DET1: variants seen among roughly 807,000 people sequenced by gnomAD.
DET1 encodes the protein DET1 homolog.
DET1 carries 22 observed loss-of-function variants against 43.7 expected under a neutral mutation model. That is an observed-to-expected ratio of 0.50 (90% CI 0.36 to 0.72). DET1 has a LOEUF of 0.72. DET1 is among the 30% of genes least tolerant of loss of function. The pLI is 0.00. For missense variants in DET1, 713 were observed against 713.3 expected, an observed-to-expected ratio of 1.00 and a Z score of 0.00; for synonymous variants, 315 against 266.2, an observed-to-expected ratio of 1.18 and a Z score of -1.79.
intron 4 of DET1, among the ~76,000 whole-genome samples, chr15:88,513,659 T>A (rs2056258991): frequency 6.6e-6 from 1 of 150,802 alleles, no homozygotes; most frequent in South Asian, 2.1e-4. Context: ...TGTTATGTAT[T>A]TGACACTTGA....
intron 3 of DET1, among the ~76,000 whole-genome samples, chr15:88,524,056 A>C (rs1158161379): frequency 2.2e-5 from 3 of 134,432 alleles, no homozygotes; most frequent in Admixed American, 7.4e-5. Flanking sequence ...CCGGCCGCCC[A>C]TCGTCTGAGA....
chr15:88,542,121 C>A (rs887996870), intron 1 of DET1, among the ~76,000 whole-genome samples: 8 of 152,178 alleles, frequency 5.3e-5, no homozygotes, highest in Non-Finnish European at 1.0e-4. Flanking sequence ...TGCTCCAGAC[C>A]CATCGACCCA....
chr15:88,543,037 G>A (rs1351037339), intron 1 of DET1, among the ~76,000 whole-genome samples: 26 of 152,208 alleles, frequency 1.7e-4, no homozygotes, highest in Non-Finnish European at 1.5e-5. Flanking sequence ...AAGAGGTAAT[G>A]GCCCATTGAT....
Position 88,524,812 on chromosome 15 carries a change from G to A in DET1, c.1271+2787C>T, listed in dbSNP as rs566843879. Among the ~76,000 whole-genome samples, 1,367 of 152,208 alleles carry A rather than the reference G, an allele frequency of 9.0e-3. 17 individuals carry two copies. Among genetic ancestry groups the A allele is most frequent in the African/African-American group, 0.03 (1,264 of 41,528 alleles). On this transcript the variant is annotated intron_variant, in intron 3 of 4. Coordinates refer to ENST00000268148, the MANE Select transcript of DET1 (RefSeq NM_001144074.3). ...AAGTACCCAGGGACACAAACACTGCGGAAGGCCACAGGGTCCTCTGCCTAG... is the reference window on the plus strand; with the variant it reads ...AAGTACCCAGGGACACAAACACTGCAGAAGGCCACAGGGTCCTCTGCCTAG...
At chr15:88,525,687 G>A (rs2056642406) in intron 3 of DET1, among the ~76,000 whole-genome samples, 1 of 151,822 alleles carries the variant, frequency 6.6e-6, no homozygotes, top group Admixed American at 6.6e-5. Context: ...TTTGAGGCAG[G>A]GTCTTGCTCT....
intron 1 of DET1, among the ~76,000 whole-genome samples, chr15:88,544,590 G>C (rs1348152814): frequency 6.6e-6 from 1 of 152,136 alleles, no homozygotes; most frequent in African/African-American, 2.4e-5. Context: ...TTGTTAAAAA[G>C]TTTCAGAAAC....
At chr15:88,515,730 G>C (rs1039818749) in intron 4 of DET1, among the ~76,000 whole-genome samples, 1 of 151,868 alleles carries the variant, frequency 6.6e-6, no homozygotes, top group Admixed American at 6.6e-5. Flanking sequence ...TGGGGTAATG[G>C]TGTTACTTGT....
chr15:88,515,160 T>C (rs1490687185), intron 4 of DET1, among the ~76,000 whole-genome samples: 2 of 152,036 alleles, frequency 1.3e-5, no homozygotes, highest in Non-Finnish European at 2.9e-5. Flanking sequence ...AAGTCTAGAA[T>C]TTGGAGAATG....
chr15:88,545,039 C>G (rs1055690732), intron 1 of DET1, among the ~76,000 whole-genome samples: 1 of 152,016 alleles, frequency 6.6e-6, no homozygotes, highest in Non-Finnish European at 1.5e-5. Context: ...TGGGAATCAC[C>G]CTGACGCTAG....
chr15:88,519,945 C>T (rs2056444549), intron 3 of DET1, among the ~76,000 whole-genome samples: 1 of 152,178 alleles, frequency 6.6e-6, no homozygotes, highest in South Asian at 2.1e-4. Context: ...CACTCTTAGC[C>T]AATGGCATCG....
At chr15:88,535,452 A>AT (rs1047103770) in intron 1 of DET1, among the ~76,000 whole-genome samples, 3 of 151,696 alleles carry the variant, frequency 2.0e-5, no homozygotes, top group African/African-American at 7.3e-5. Flanking sequence ...AAAAAAAAAA[A>AT]TTAAGAAATA....
intron 3 of DET1, among the ~76,000 whole-genome samples, chr15:88,523,231 A>T (rs1041306567): frequency 5.3e-5 from 8 of 152,204 alleles, no homozygotes; most frequent in South Asian, 2.1e-4. Context: ...CACTTTTAGG[A>T]TAAAGGCTTT....
At position 88,531,543 on chromosome 15, in the gene DET1, C is replaced by T. The variant is rs371253594; in HGVS notation, c.163G>A (p.Val55Ile). The T allele has an allele frequency of 8.3e-5, 134 of 1,613,888 alleles. 1 individual carries two copies. The highest frequency in any genetic ancestry group is 9.8e-5 in the Non-Finnish European group (116 of 1,179,904). Residue 55 changes from valine to isoleucine, a missense_variant, in exon 2 of 5, where the codon GTT becomes ATT. By Grantham distance (29) the Val-to-Ile change is conservative. Transcript: ENST00000268148. The surrounding 1 kb of genome is among the most constrained non-coding windows in gnomAD (Gnocchi z 6.2). ...CGCAAGAAACAAGGAGGCTTTTCAA[C>T]GTTGACAACTGTGAAGTTGGGGAAG... ...NVFPNFTVVN[V>I]EKPPCFLRKF...
intron 1 of DET1, among the ~76,000 whole-genome samples, chr15:88,537,254 A>G (rs1170622228): frequency 2.0e-5 from 3 of 152,212 alleles, no homozygotes; most frequent in Admixed American, 6.5e-5. Context: ...TTTCAATTAT[A>G]TTGGAGTTAC....
rs1443256867 is a variant in DET1, at chr15:88,530,668, G to A, written c.1038C>T (p.Tyr346=). 2 of 1,613,492 alleles carry A rather than the reference G, an allele frequency of 1.2e-6. No individual in the cohort carries two copies. The highest frequency in any genetic ancestry group is 1.7e-6 in the Non-Finnish European group (2 of 1,179,666). The part of the protein sequence containing the change: ...LLDENHLFIK[Y]TSEDVVTLRV... ...GCAGTGTTACTACATCCTCACTAGT[G>A]TACTTGATAAACAGGTGGTTTTCAT... Residue 346 remains tyrosine, a synonymous_variant, in exon 2 of 5, where the codon TAC becomes TAT. Transcript: ENST00000268148.
chr15:88,525,662 TTTTTG>T (rs1187101171), intron 3 of DET1, among the ~76,000 whole-genome samples: 2 of 151,976 alleles, frequency 1.3e-5, no homozygotes, highest in Non-Finnish European at 2.9e-5. Context: ...TCTTTTGTTC[TTTTTG>T]TTTTTTGTTT....
At chr15:88,530,153 T>G (rs1455924992) in intron 2 of DET1, among the ~76,000 whole-genome samples, 1 of 152,234 alleles carries the variant, frequency 6.6e-6, no homozygotes, top group Non-Finnish European at 1.5e-5. Context: ...GACTTTATAG[T>G]ACTTTACAGA....
chr15:88,534,554 T>C (rs1221046240), intron 1 of DET1, among the ~76,000 whole-genome samples: 1 of 152,134 alleles, frequency 6.6e-6, no homozygotes, highest in Non-Finnish European at 1.5e-5. Flanking sequence ...AGATATCAGA[T>C]GGGGAGGAGC....
At chr15:88,519,598 T>A (rs1367602619) in intron 3 of DET1, among the ~76,000 whole-genome samples, 1 of 152,114 alleles carries the variant, frequency 6.6e-6, no homozygotes, top group African/African-American at 2.4e-5. Flanking sequence ...CTTCTTCCCA[T>A]CCTACACTCA....
Sources: gnomAD v4.1 joint callset for allele counts (sites outside exome capture counted in the v4.1 genomes callset) on GRCh38, gnomAD v4.1.1 for gene constraint, Gnocchi (gnomAD v3.1) non-coding constraint, MANE v1.5 for transcripts, NCBI Gene and HGNC (gene_info 2026-07-23, HGNC 2026-07-21) for gene names.